Variants in C10orf67 observed in about 807,000 individuals in gnomAD.
The protein encoded by C10orf67 is chromosome 10 open reading frame 67.
C10orf67 carries 60 observed loss-of-function variants against 35.6 expected under a neutral mutation model. The observed-to-expected ratio is 1.68, with a 90% CI of 1.37 to 2.09. C10orf67 has a LOEUF of 2.09. C10orf67 is among the 30% of genes most tolerant of loss of function. The pLI, the probability that C10orf67 is intolerant of heterozygous loss-of-function variation, is 0.00. For synonymous variants in C10orf67, 167 were observed against 115.8 expected (o/e 1.44, Z -2.84); for missense variants, 474 against 330.2 (o/e 1.44, Z -3.38).
chr10:23,233,487 GTGGAAGTCATGAT>G (rs1841966119), intron 13 of C10orf67, among the ~76,000 whole-genome samples: 1 of 152,314 alleles, frequency 6.6e-6, no homozygotes, highest in East Asian at 1.9e-4. Flanking sequence ...CTCAAGACCT[GTGGAAGTCATGAT>G]TTTTAAAAAG....
chr10:23,213,010 T>C (rs1026988431), intron 15 of C10orf67, among the ~76,000 whole-genome samples: 3 of 151,918 alleles, frequency 2.0e-5, no homozygotes, highest in Non-Finnish European at 2.9e-5. Flanking sequence ...ATAATTATCA[T>C]AAAAAAGGAA....
chr10:23,277,137 A>C (rs553863433), intron 8 of C10orf67, among the ~76,000 whole-genome samples: 1 of 152,296 alleles, frequency 6.6e-6, no homozygotes, highest in East Asian at 1.9e-4. Flanking sequence ...CTTCATTCTC[A>C]TGGTCTCACA....
At chr10:23,311,569 G>A (rs932890914) in intron 4 of C10orf67, among the ~76,000 whole-genome samples, 6 of 152,102 alleles carry the variant, frequency 3.9e-5, no homozygotes, top group African/African-American at 1.4e-4. Flanking sequence ...AAATTAGCCA[G>A]GTGTGGTGTC....
At chr10:23,219,589 C>T (rs1284465448) in intron 15 of C10orf67, among the ~76,000 whole-genome samples, 1 of 152,054 alleles carries the variant, frequency 6.6e-6, no homozygotes, top group African/African-American at 2.4e-5. Flanking sequence ...TAGTATTGTA[C>T]CTCATTTTTT....
At chr10:23,303,282 T>C (rs568797659) in intron 5 of C10orf67, 22 bp downstream of exon 5, 35 of 505,676 alleles carry the variant, frequency 6.9e-5, no homozygotes, top group Middle Eastern at 5.0e-4. Flanking sequence ...TAAAATTAAT[T>C]ATTCCTTGCC....
intron 3 of C10orf67, among the ~76,000 whole-genome samples, chr10:23,321,217 G>A (rs1239969067): frequency 4.6e-5 from 7 of 152,156 alleles, no homozygotes; most frequent in African/African-American, 1.4e-4. Flanking sequence ...CTGCAAACTA[G>A]AGTTATTTTC....
At chr10:23,298,725 C>A (rs570255311) in intron 5 of C10orf67, among the ~76,000 whole-genome samples, 112 of 152,276 alleles carry the variant, frequency 7.4e-4, no homozygotes, top group African/African-American at 2.5e-3. Flanking sequence ...AAGTATTTAA[C>A]CTGCTGTGAG....
chr10:23,288,028 A>G (rs139398581), intron 7 of C10orf67, among the ~76,000 whole-genome samples: 3 of 152,328 alleles, frequency 2.0e-5, no homozygotes, highest in African/African-American at 7.2e-5. Context: ...TGGGAATGCA[A>G]ATTAGTTCAA....
intron 4 of C10orf67, among the ~76,000 whole-genome samples, chr10:23,309,261 C>T (rs1408692640): frequency 1.3e-5 from 2 of 152,042 alleles, no homozygotes; most frequent in Non-Finnish European, 2.9e-5. Flanking sequence ...GAGCTGGAGG[C>T]ATTATCCTAA....
chr10:23,210,140 A>C (rs1342792996), intron 15 of C10orf67, among the ~76,000 whole-genome samples: 1 of 152,032 alleles, frequency 6.6e-6, no homozygotes, highest in African/African-American at 2.4e-5. Flanking sequence ...GCAGTGCTAG[A>C]GGGCAATGAA....
At chr10:23,300,405 C>T (rs1844035922) in intron 5 of C10orf67, among the ~76,000 whole-genome samples, 1 of 152,174 alleles carries the variant, frequency 6.6e-6, no homozygotes, top group African/African-American at 2.4e-5. Context: ...TCCCATTCCG[C>T]CTGCTCCTCC....
At chr10:23,257,938 C>T (rs928179685) in intron 10 of C10orf67, among the ~76,000 whole-genome samples, 3 of 152,124 alleles carry the variant, frequency 2.0e-5, no homozygotes, top group Non-Finnish European at 4.4e-5. Context: ...TGTATACACA[C>T]ATATGTGTAT....
intron 4 of C10orf67, among the ~76,000 whole-genome samples, chr10:23,313,693 G>C (rs192056956): frequency 6.6e-6 from 1 of 152,300 alleles, no homozygotes; most frequent in East Asian, 1.9e-4. Flanking sequence ...AACTTGAGGA[G>C]AGCTGAGGGA....
chr10:23,297,344 T>A (rs1249904219), intron 5 of C10orf67, among the ~76,000 whole-genome samples: 4 of 152,138 alleles, frequency 2.6e-5, no homozygotes, highest in Non-Finnish European at 4.4e-5. Context: ...CCTAATGGCT[T>A]CCTGATGTTT....
chr10:23,288,824 A>G (rs982759420), intron 7 of C10orf67, among the ~76,000 whole-genome samples: 3 of 152,280 alleles, frequency 2.0e-5, no homozygotes, highest in African/African-American at 4.8e-5. Flanking sequence ...TTTATTTGGA[A>G]TAACTTGGGG....
chr10:23,319,896 C>T (rs1844876537), intron 4 of C10orf67, among the ~76,000 whole-genome samples: 1 of 152,170 alleles, frequency 6.6e-6, no homozygotes, highest in Non-Finnish European at 1.5e-5. Flanking sequence ...GTTGGAAGTG[C>T]CCCTGTCAGT....
At position 23,330,458 on chromosome 10, in the gene C10orf67, GTC is replaced by G. The variant is rs542534041; in HGVS notation, c.327+2602_327+2603del. Among the ~76,000 whole-genome samples the G allele has an allele frequency of 3.3e-5, 5 of 152,036 alleles. No individual in the cohort carries two copies. The South Asian group carries it at 8.3e-4, about 25-fold the overall frequency. On this transcript the variant is annotated intron_variant, in intron 2 of 15. Transcript: ENST00000636213. The stretch of plus-strand genomic sequence containing the variant: ...AGTCTACGTGACAGAGTGAGACCCT[GTC>G]TCAAAAAATAAAGCTCACGCCTGTA...
intron 10 of C10orf67, among the ~76,000 whole-genome samples, chr10:23,261,572 A>G (rs1842751351): frequency 6.6e-6 from 1 of 152,158 alleles, no homozygotes; most frequent in South Asian, 2.1e-4. Flanking sequence ...TCCGCCTCTC[A>G]AAGTGTTGGA....
intron 10 of C10orf67, among the ~76,000 whole-genome samples, chr10:23,261,422 TC>T (rs1323324173): frequency 6.6e-6 from 1 of 152,086 alleles, no homozygotes; most frequent in Non-Finnish European, 1.5e-5. Flanking sequence ...AACAATCCTC[TC>T]ACCTCAGCCT....
Sources: allele counts gnomAD v4.1 joint callset (sites outside exome capture counted in the v4.1 genomes callset), GRCh38; gene constraint gnomAD v4.1.1; transcripts MANE v1.5; gene names NCBI Gene and HGNC (gene_info 2026-07-23, HGNC 2026-07-21).